Variants in ITPR2 observed in about 807,000 individuals in gnomAD.
The protein encoded by ITPR2 is inositol 1,4,5-trisphosphate-gated calcium channel ITPR2.
ITPR2 carries 207 observed loss-of-function variants against 317.1 expected under a neutral mutation model. The ratio of observed to expected loss-of-function variants is 0.65; its 90% CI spans 0.58 to 0.73. ITPR2 has a LOEUF of 0.73. Ranked by LOEUF, ITPR2 falls within the 30% of genes least tolerant of loss-of-function variation. ITPR2 has a pLI of 0.00. For synonymous variants in ITPR2, 1,156 were observed against 1,149.1 expected (o/e 1.01, Z -0.12); for missense variants, 2,613 against 3,284.0 (o/e 0.80, Z 4.99).
intron 2 of ITPR2, among the ~76,000 whole-genome samples, chr12:26,752,727 T>G (rs1949448340): frequency 6.6e-6 from 1 of 152,180 alleles, no homozygotes; most frequent in African/African-American, 2.4e-5. Flanking sequence ...CCCTGAATTC[T>G]TTCATGCACA....
chr12:26,522,406 A>T (rs1347747350), intron 37 of ITPR2, among the ~76,000 whole-genome samples: 2 of 152,222 alleles, frequency 1.3e-5, no homozygotes, highest in Non-Finnish European at 2.9e-5. Context: ...TTTACGCTTT[A>T]CACATAATAA....
At chr12:26,370,035 A>G (rs879692764) in intron 55 of ITPR2, among the ~76,000 whole-genome samples, 3 of 152,036 alleles carry the variant, frequency 2.0e-5, no homozygotes, top group Non-Finnish European at 4.4e-5. Flanking sequence ...TTCAAAACCC[A>G]CTCAGATCTT....
intron 1 of ITPR2, among the ~76,000 whole-genome samples, chr12:26,817,180 CAAA>C (rs11422176): frequency 5.2e-5 from 3 of 57,672 alleles, no homozygotes; most frequent in Admixed American, 2.5e-4. Context: ...GAGTCTCTTT[CAAA>C]AAAAAAAAAA....
rs778021603 is a variant in ITPR2, at chr12:26,624,305, G to T, written c.3116C>A (p.Ala1039Glu). The part of the protein sequence containing the change: ...EIAAQAETMF[A>E]GRKEKNPVQL... ...TATATAAATGTTACTATACCTTCCCGCAAACATAGTTTCTGCCTGAGCTGC... is the reference window on the plus strand; with the variant it reads ...TATATAAATGTTACTATACCTTCCCTCAAACATAGTTTCTGCCTGAGCTGC... The change falls in exon 24 of 57, where the codon GCG (alanine) becomes GAG (glutamate). Residue 1039 changes from alanine (A) to glutamate (E), a missense_variant. Ala to Glu is a moderately radical substitution (Grantham distance 107, BLOSUM62 -1). Around this residue, in one of 9 missense-constraint regions of ITPR2, gnomAD observed 817 missense variants for 897.6 expected, o/e 0.91. Coordinates refer to ENST00000381340, the MANE Select transcript of ITPR2 (RefSeq NM_002223.4). 2 of 1,600,538 alleles carry T rather than the reference G, an allele frequency of 1.2e-6. No homozygotes were observed. The highest frequency in any genetic ancestry group is 1.7e-5 in the Admixed American group (1 of 58,928).
At chr12:26,528,366 T>C (rs1217155980) in intron 37 of ITPR2, among the ~76,000 whole-genome samples, 2 of 152,206 alleles carry the variant, frequency 1.3e-5, no homozygotes, top group African/African-American at 2.4e-5. Flanking sequence ...TAAGATTCAA[T>C]GCACTTGTAT....
At chr12:26,571,264 T>A (rs959828770) in intron 34 of ITPR2, among the ~76,000 whole-genome samples, 1 of 152,224 alleles carries the variant, frequency 6.6e-6, no homozygotes. Context: ...TAAAAACTTC[T>A]GAAGTTTTAT....
chr12:26,613,069 G>A (rs1315025818), intron 26 of ITPR2, among the ~76,000 whole-genome samples: 1 of 152,108 alleles, frequency 6.6e-6, no homozygotes, highest in East Asian at 1.9e-4. Flanking sequence ...CGTTCGTTGA[G>A]GGCAAGTAGA....
At chr12:26,432,579 T>C (rs1941239922) in intron 48 of ITPR2, among the ~76,000 whole-genome samples, 1 of 152,202 alleles carries the variant, frequency 6.6e-6, no homozygotes, top group African/African-American at 2.4e-5. Flanking sequence ...TAGTCACCCA[T>C]TAATTTTAGC....
chr12:26,776,005 T>C lies in ITPR2; in HGVS notation c.163+14152A>G, dbSNP rs557298139. Among the ~76,000 whole-genome samples, 3 of 149,820 alleles carry C rather than the reference T, an allele frequency of 2.0e-5. No homozygotes were observed. The East Asian group carries it at 5.8e-4, about 29-fold the overall frequency. ...AAAGAACCCTGACTAATACAGATTT[T>C]GGTACCAGGAGTGGTTCTAGAGGAA... is the stretch of plus-strand genomic sequence containing the variant. On this transcript the variant is annotated intron_variant, in intron 2 of 56. Coordinates refer to ENST00000381340, the MANE Select transcript of ITPR2 (RefSeq NM_002223.4).
intron 37 of ITPR2, among the ~76,000 whole-genome samples, chr12:26,530,185 T>C (rs1341527012): frequency 6.6e-6 from 1 of 152,180 alleles, no homozygotes; most frequent in Non-Finnish European, 1.5e-5. Context: ...CCAAGGGTCC[T>C]AGGATCCCAC....
At chr12:26,410,529 A>G (rs1940512923) in intron 52 of ITPR2, among the ~76,000 whole-genome samples, 2 of 152,124 alleles carry the variant, frequency 1.3e-5, no homozygotes, top group South Asian at 4.1e-4. Context: ...CCGCACCTAC[A>G]CTATGCTTAA....
chr12:26,761,074 G>A (rs1245893184), intron 2 of ITPR2, among the ~76,000 whole-genome samples: 1 of 152,102 alleles, frequency 6.6e-6, no homozygotes, highest in African/African-American at 2.4e-5. Flanking sequence ...TTCAGGCCAG[G>A]CCCATGGTTA....
chr12:26,346,764 T>A (rs1938324784), intron 55 of ITPR2, among the ~76,000 whole-genome samples: 1 of 152,148 alleles, frequency 6.6e-6, no homozygotes, highest in Non-Finnish European at 1.5e-5. Context: ...TTGTTTTAGC[T>A]TACCAAAAAA....
At chr12:26,791,888 A>G (rs1950347478) in intron 1 of ITPR2, among the ~76,000 whole-genome samples, 2 of 152,218 alleles carry the variant, frequency 1.3e-5, no homozygotes, top group Admixed American at 1.3e-4. Flanking sequence ...ACATGTTAAG[A>G]ATTCAAATAC....
chr12:26,349,782 C>T (rs1408444455), intron 55 of ITPR2, among the ~76,000 whole-genome samples: 3 of 152,204 alleles, frequency 2.0e-5, no homozygotes, highest in African/African-American at 7.2e-5. Flanking sequence ...GGAAGGGGAT[C>T]CTGGCCTAGG....
At chr12:26,492,459 C>CA (rs11300033) in intron 39 of ITPR2, among the ~76,000 whole-genome samples, 26,917 of 142,430 alleles carry the variant, frequency 0.19, 2,927 homozygotes, top group Non-Finnish European at 0.26. Context: ...TGCCCCCCAC[C>CA]AAAAAAAAAA....
At chr12:26,629,461 C>T (rs1028798943) in intron 22 of ITPR2, among the ~76,000 whole-genome samples, 2 of 152,018 alleles carry the variant, frequency 1.3e-5, no homozygotes, top group Non-Finnish European at 2.9e-5. Context: ...GTGGTGCGTG[C>T]CTGTAATCCC....
At chr12:26,360,977 G>T (rs1368047017) in intron 55 of ITPR2, among the ~76,000 whole-genome samples, 1 of 152,032 alleles carries the variant, frequency 6.6e-6, no homozygotes, top group Admixed American at 6.5e-5. Flanking sequence ...ACTTTGGGAC[G>T]CCGAGGGCAG....
intron 25 of ITPR2, among the ~76,000 whole-genome samples, chr12:26,621,731 C>A (rs1591971055): frequency 6.6e-6 from 1 of 151,950 alleles, no homozygotes. Flanking sequence ...ATGATCAATA[C>A]CCTATTATGT....
Sources: gnomAD v4.1 joint callset for allele counts (sites outside exome capture counted in the v4.1 genomes callset) on GRCh38, gnomAD v4.1.1 for gene constraint, gnomAD v4.1.1 regional missense constraint, MANE v1.5 for transcripts, NCBI Gene and HGNC (gene_info 2026-07-23, HGNC 2026-07-21) for gene names.